The following COL6A3 variants were observed in gnomAD, a reference collection of about 807,000 sequenced individuals.
The protein encoded by COL6A3 is collagen type VI alpha 3 chain.
A neutral mutation model predicts 274.1 loss-of-function variants in COL6A3; 137 were observed. The ratio of observed to expected loss-of-function variants is 0.50; its 90% CI spans 0.44 to 0.58. COL6A3 has a LOEUF of 0.58. Ranked by LOEUF, COL6A3 falls within the 20% of genes least tolerant of loss-of-function variation. The pLI is 0.00. For missense variants in COL6A3, 3,950 were observed against 4,124.9 expected (o/e 0.96, Z 1.16); for synonymous variants, 1,650 against 1,650.6 (o/e 1.00, Z 0.01).
At chr2:237,411,159 C>T (rs182950026) in intron 1 of COL6A3, among the ~76,000 whole-genome samples, 17 of 152,292 alleles carry the variant, frequency 1.1e-4, no homozygotes, top group Admixed American at 9.8e-4. Flanking sequence ...ACACAACATC[C>T]CTGTCAGATG....
intron 26 of COL6A3, among the ~76,000 whole-genome samples, chr2:237,351,654 A>G (rs934111336): frequency 3.9e-5 from 6 of 152,254 alleles, no homozygotes; most frequent in African/African-American, 1.4e-4. Flanking sequence ...CACAAATAAC[A>G]TAAAAGAGAT....
rs1374568660 is a variant in COL6A3, at chr2:237,324,428, CA to C, written c.*345del. ...GTATATAGAGTAGCCGTGACATTTG[CA>C]TTATTTTCTAGACTTTACATTTGCC... On this transcript the variant is annotated 3_prime_UTR_variant, in exon 44 of 44. Transcript: ENST00000295550. 5 of 265,270 alleles carry C rather than the reference CA, an allele frequency of 1.9e-5. No individual in the cohort carries two copies. Among genetic ancestry groups the C allele is most frequent in the Non-Finnish European group, 3.7e-5 (5 of 135,400 alleles). The allele number at this position is 265,270 out of a possible 1,614,324, so 16.4% of individuals were successfully genotyped here. A position where few individuals can be genotyped will look rare whatever the true frequency, so the allele number is the denominator to read the frequency against.
chr2:237,379,876 C>A (rs1182308949), intron 5 of COL6A3, among the ~76,000 whole-genome samples: 1 of 152,182 alleles, frequency 6.6e-6, no homozygotes, highest in Non-Finnish European at 1.5e-5. Context: ...GATGATGGGA[C>A]CGTAAATACA....
Position 237,374,619 on chromosome 2 carries a change from C to T in COL6A3, c.3472G>A (p.Gly1158Ser), listed in dbSNP as rs753056634. 2.4e-5 allele frequency: 38 copies of T among 1,614,062 alleles called. No homozygotes were observed. The highest frequency in any genetic ancestry group is 6.7e-5 in the Admixed American group (4 of 60,004). The change falls in exon 8 of 44, where the codon GGT (glycine) becomes AGT (serine). Residue 1158 changes from glycine (G) to serine (S), a missense_variant. Coordinates refer to ENST00000295550, the MANE Select transcript of COL6A3 (RefSeq NM_004369.4). This position sits in a 1 kb window ranked among gnomAD's most constrained non-coding sequence, Gnocchi z 4.8. The part of the protein sequence containing the change: ...VRNPSVVVKR[G>S]GAVPIGIGIG... ...CCAATGCCAATGGGCACAGCCCCACCCCTCTTCACGACCACGGAGGGGTTC... is the reference window on the plus strand; with the variant it reads ...CCAATGCCAATGGGCACAGCCCCACTCCTCTTCACGACCACGGAGGGGTTC...
At chr2:237,370,255 T>A (rs1316247649) in intron 9 of COL6A3, among the ~76,000 whole-genome samples, 1 of 150,796 alleles carries the variant, frequency 6.6e-6, no homozygotes, top group Non-Finnish European at 1.5e-5. Flanking sequence ...TTTTTTTTTT[T>A]TTAGATGGAG....
At chr2:237,325,412 T>C in intron 43 of COL6A3, 148 bp downstream of exon 43, 1 of 887,858 alleles carries the variant, frequency 1.1e-6, no homozygotes. Context: ...TCATGGGTTG[T>C]ATTTGAACGT....
rs940624488 is a variant in COL6A3, at chr2:237,325,411, G to A, written c.9493+149C>T. 3.4e-6 allele frequency: 3 copies of A among 880,618 alleles called. No homozygotes were observed. In the Admixed American group the frequency reaches 6.1e-5, roughly 18 times the overall value. The allele number at this position is 880,618 out of a possible 1,614,324, so 54.6% of individuals were successfully genotyped here. A position where few individuals can be genotyped will look rare whatever the true frequency, so the allele number is the denominator to read the frequency against. On this transcript the variant is annotated intron_variant, in intron 43 of 43. Coordinates refer to ENST00000295550, the MANE Select transcript of COL6A3 (RefSeq NM_004369.4). ...AATTCAAAAAGACATTTCATGGGTTGTATTTGAACGTCTTCCTTATCTGAG... is the reference window on the plus strand; with the variant it reads ...AATTCAAAAAGACATTTCATGGGTTATATTTGAACGTCTTCCTTATCTGAG...
At chr2:237,405,322 C>T (rs1406627289) in intron 1 of COL6A3, among the ~76,000 whole-genome samples, 1 of 152,138 alleles carries the variant, frequency 6.6e-6, no homozygotes, top group East Asian at 1.9e-4. Flanking sequence ...TAACTCTCTT[C>T]TATTGTTTGT....
intron 1 of COL6A3, among the ~76,000 whole-genome samples, chr2:237,399,163 A>G (rs1027728990): frequency 9.9e-5 from 15 of 152,198 alleles, no homozygotes; most frequent in Non-Finnish European, 5.9e-5. Context: ...CCACGATTCC[A>G]TAGCAACTTT....
intron 10 of COL6A3, among the ~76,000 whole-genome samples, chr2:237,367,586 T>C (rs1208111826): frequency 6.6e-6 from 1 of 152,218 alleles, no homozygotes. Context: ...CCGTGCAAAA[T>C]GGCATTGTGA....
In COL6A3 at chr2:237,336,462, T is replaced by C; in HGVS notation, c.8638A>G (p.Thr2880Ala). The change falls in exon 40 of 44, where the codon ACG (threonine) becomes GCG (alanine). Residue 2880 changes from threonine to alanine, a missense_variant. Thr to Ala is a moderately conservative substitution (Grantham distance 58, BLOSUM62 0). Around this residue, in one of 5 missense-constraint regions of COL6A3, gnomAD observed 1,284 missense variants for 1,349.7 expected, o/e 0.95. Transcript: ENST00000295550. Reference sequence around the variant, plus strand: ...TTTGTTGTGGTGGTCACCGGCTTCGTCGTAGTCACCGGCTTCGTTGTCGTC... The same window carrying C: ...TTTGTTGTGGTGGTCACCGGCTTCGCCGTAGTCACCGGCTTCGTTGTCGTC... The part of the protein sequence containing the change: ...PVTTTKPVTT[T>A]KPVTTTTKPV... The C allele has an allele frequency of 6.2e-7, 1 of 1,614,206 alleles. No homozygotes were observed. Among genetic ancestry groups the C allele is most frequent in the South Asian group, 1.1e-5 (1 of 91,084 alleles).
At chr2:237,342,244 C>G (rs2077002578) in intron 36 of COL6A3, 83 bp from the exon 37 acceptor site, 2 of 1,049,182 alleles carry the variant, frequency 1.9e-6, no homozygotes, top group Non-Finnish European at 2.9e-6. Context: ...TAAATCAAAG[C>G]TACATCAATA....
Position 237,360,074 on chromosome 2 carries a change from C to G in COL6A3, c.6282+14G>C. 1 of 1,613,982 alleles carries G rather than the reference C, an allele frequency of 6.2e-7. No individual in the cohort carries two copies. Among genetic ancestry groups the G allele is most frequent in the Non-Finnish European group, 8.5e-7 (1 of 1,179,906 alleles). ...CCCCTCCCCACGCTAGCAACCCCAT[C>G]ACCCACGCCTCACCTTTACTCCTCT... On this transcript the variant is annotated intron_variant, in intron 17 of 43. Transcript: ENST00000295550.
At position 237,334,888 on chromosome 2, in the gene COL6A3, A is replaced by G; in HGVS notation, c.8967T>C (p.Val2989=). The part of the protein sequence containing the change: ...ATKPATTKPM[V]KMSREVQVFE... Reference sequence around the variant, plus strand: ...ACACCTGGACTTCACGGGACATCTTAACTGAAAGATAGATCAGAGCGTGAA... The same window carrying G: ...ACACCTGGACTTCACGGGACATCTTGACTGAAAGATAGATCAGAGCGTGAA... The change falls in exon 41 of 44, where the codon GTT becomes GTC. Residue 2989 remains valine (V), a splice_region_variant and synonymous_variant. Coordinates refer to ENST00000295550, the MANE Select transcript of COL6A3 (RefSeq NM_004369.4). The G allele has an allele frequency of 6.2e-7, 1 of 1,614,160 alleles. No individual in the cohort carries two copies.
chr2:237,361,196 C>T lies in COL6A3; in HGVS notation c.6157-22G>A, dbSNP rs772179675. The T allele has an allele frequency of 1.2e-6, 2 of 1,612,146 alleles. No individual in the cohort carries two copies. Among genetic ancestry groups the T allele is most frequent in the East Asian group, 4.5e-5 (2 of 44,864 alleles). On this transcript the variant is annotated intron_variant, in intron 15 of 43. Coordinates refer to ENST00000295550, the MANE Select transcript of COL6A3 (RefSeq NM_004369.4). The surrounding 1 kb of genome is among the most constrained non-coding windows in gnomAD (Gnocchi z 5.1). ...TACCCTGAAACAAAGTAATCGGGTC[C>T]TCTGTTTAATCCCGTGGTCTTCTTT...
rs199969722 is a variant in COL6A3 at position 237,381,300 on chromosome 2, T to G, written c.1512A>C (p.Thr504=). 1.9e-6 allele frequency: 3 copies of G among 1,614,250 alleles called. No homozygotes were observed. Among genetic ancestry groups the G allele is most frequent in the African/African-American group, 2.7e-5 (2 of 75,068 alleles). Residue 504 remains threonine, a synonymous_variant, in exon 5 of 44, where the codon ACA becomes ACC. Transcript: ENST00000295550. ...GCACAGCGGTTATGACTTCCCTTTT[T>G]GTTGGATGGGTATTGAAATAAAATT... is the stretch of plus-strand genomic sequence containing the variant. The part of the protein sequence containing the change: ...RPEFYFNTHP[T]KREVITAVRK...
chr2:237,360,289 C>T (rs2077406104), intron 16 of COL6A3, 130 bp from the exon 17 acceptor site: 3 of 917,452 alleles, frequency 3.3e-6, no homozygotes, highest in South Asian at 1.4e-5. Context: ...TGGGGAACGC[C>T]GATCGAGGCT....
Position 237,376,857 on chromosome 2 carries a change from A to AG in COL6A3, c.2984dup (p.Ala996CysfsTer32), listed in dbSNP as rs747964958. ...CTCCAATCTTGGGAAGCGACTCTGC[A>AG]GCCAGGATAAACGCTGGAGACAGCA... is the stretch of plus-strand genomic sequence containing the variant. On this transcript the variant is annotated frameshift_variant, in exon 7 of 44. Coordinates refer to ENST00000295550, the MANE Select transcript of COL6A3 (RefSeq NM_004369.4). LOFTEE classifies it high-confidence loss of function. 3 of 1,614,246 alleles carry AG rather than the reference A, an allele frequency of 1.9e-6. No homozygotes were observed. The highest frequency in any genetic ancestry group is 2.5e-6 in the Non-Finnish European group (3 of 1,180,046).
chr2:237,337,356 T>G (rs918057079), intron 39 of COL6A3, among the ~76,000 whole-genome samples: 1 of 152,012 alleles, frequency 6.6e-6, no homozygotes. Flanking sequence ...CCTAGAAAAA[T>G]GGAGGCTACA....
Sources: gnomAD v4.1 joint callset for allele counts (sites outside exome capture counted in the v4.1 genomes callset) on GRCh38, gnomAD v4.1.1 for gene constraint, gnomAD v4.1.1 regional missense constraint, Gnocchi (gnomAD v3.1) non-coding constraint, MANE v1.5 for transcripts, NCBI Gene and HGNC (gene_info 2026-07-23, HGNC 2026-07-21) for gene names.